Variants in AIM2 observed in about 807,000 individuals in gnomAD.
AIM2 encodes absent in melanoma 2.
In AIM2, 30 loss-of-function variants were observed where a neutral mutation model predicts 27.7. That is an observed-to-expected ratio of 1.08 (90% confidence interval 0.81 to 1.47). The LOEUF is 1.47. AIM2 is among the 40% of genes most tolerant of loss of function. The pLI, the probability that AIM2 is intolerant of heterozygous loss-of-function variation, is 0.00. For missense variants in AIM2, 358 were observed against 411.3 expected (o/e 0.87, Z 1.12); for synonymous variants, 141 against 145.3 (o/e 0.97, Z 0.21).
chr1:159,129,237 G>A (rs1470914529), intron 1 of AIM2, among the ~76,000 whole-genome samples: 3 of 152,176 alleles, frequency 2.0e-5, no homozygotes, highest in African/African-American at 7.2e-5. Flanking sequence ...CTTGTTCAGA[G>A]GAGTGAAAAT....
At chr1:159,115,212 T>C (rs972766107) in intron 1 of AIM2, among the ~76,000 whole-genome samples, 1 of 152,186 alleles carries the variant, frequency 6.6e-6, no homozygotes, top group Non-Finnish European at 1.5e-5. Context: ...GAACATTCCA[T>C]GCTCATGGGT....
the AIM2 span, among the ~76,000 whole-genome samples, chr1:159,055,585 C>T: frequency 5.9e-4 from 90 of 152,274 alleles, no homozygotes; most frequent in African/African-American, 2.1e-3. Flanking sequence ...CTCAAAACAC[C>T]GACTGCTCTT....
chr1:159,117,425 A>G (rs1647401001), intron 1 of AIM2, among the ~76,000 whole-genome samples: 1 of 152,192 alleles, frequency 6.6e-6, no homozygotes. Context: ...AAAAATAATA[A>G]TATATCAAGT....
intron 1 of AIM2, among the ~76,000 whole-genome samples, chr1:159,124,007 C>G (rs371783475): frequency 1.3e-3 from 204 of 152,324 alleles, no homozygotes; most frequent in African/African-American, 4.7e-3. Context: ...TTATTTTGCT[C>G]AAGACACTGT....
intron 1 of AIM2, among the ~76,000 whole-genome samples, chr1:159,105,148 G>A (rs925645844): frequency 6.6e-6 from 1 of 152,240 alleles, no homozygotes; most frequent in Non-Finnish European, 1.5e-5. Flanking sequence ...GTGGGGTCCA[G>A]CCACTGCACA....
chr1:159,071,792 G>A (rs1481067954), intron 2 of AIM2, among the ~76,000 whole-genome samples: 1 of 152,226 alleles, frequency 6.6e-6, no homozygotes, highest in Non-Finnish European at 1.5e-5. Flanking sequence ...TTAAAGGCGT[G>A]AGCCACTGCG....
intron 1 of AIM2, among the ~76,000 whole-genome samples, chr1:159,113,309 C>T (rs1647230660): frequency 1.3e-5 from 2 of 152,110 alleles, no homozygotes; most frequent in South Asian, 4.1e-4. Context: ...GGAACTCTTC[C>T]CCAGGCCCTA....
intron 1 of AIM2, among the ~76,000 whole-genome samples, chr1:159,102,314 A>G (rs1657333131): frequency 6.6e-6 from 1 of 152,182 alleles, no homozygotes; most frequent in Non-Finnish European, 1.5e-5. Context: ...GATGTATGGA[A>G]ATGTCTGCGT....
chr1:159,095,447 G>A (rs1248151125), intron 1 of AIM2, among the ~76,000 whole-genome samples: 2 of 152,188 alleles, frequency 1.3e-5, no homozygotes, highest in Non-Finnish European at 2.9e-5. Flanking sequence ...GAAAGGTGAA[G>A]TAAGAGCATT....
chr1:159,119,904 T>C (rs1302738986), intron 1 of AIM2, among the ~76,000 whole-genome samples: 2 of 152,052 alleles, frequency 1.3e-5, no homozygotes, highest in African/African-American at 2.4e-5. Flanking sequence ...ACTTATAGAT[T>C]ATATGTAGAT....
intron 1 of AIM2, among the ~76,000 whole-genome samples, chr1:159,130,821 C>T (rs1280210746): frequency 6.6e-6 from 1 of 151,540 alleles, no homozygotes; most frequent in Non-Finnish European, 1.5e-5. Context: ...CACACACACA[C>T]ACACACACAC....
chr1:159,061,558 ATTTTT>A (rs945588968), downstream of AIM2, among the ~76,000 whole-genome samples: 1 of 83,110 alleles, frequency 1.2e-5, no homozygotes, highest in Admixed American at 1.3e-4. Context: ...GTGCCCGGCT[ATTTTT>A]TTTTTTTTTT....
upstream of AIM2, among the ~76,000 whole-genome samples, chr1:159,080,845 T>C (rs1656760203): frequency 6.6e-6 from 1 of 152,218 alleles, no homozygotes; most frequent in Non-Finnish European, 1.5e-5. Context: ...TGAAATGTTT[T>C]ACTTAAGTGG....
intron 1 of AIM2, among the ~76,000 whole-genome samples, chr1:159,117,944 C>T (rs949246086): frequency 6.6e-6 from 1 of 151,904 alleles, no homozygotes; most frequent in Non-Finnish European, 1.5e-5. Flanking sequence ...TGTTTGTGTC[C>T]CTGTATAAAT....
chr1:159,055,181 C>T, the AIM2 span: 3 of 226,434 alleles, frequency 1.3e-5, no homozygotes, highest in Admixed American at 5.2e-5. Flanking sequence ...CTCTTTAATC[C>T]ATCCATGAGT....
intron 1 of AIM2, among the ~76,000 whole-genome samples, chr1:159,091,795 C>T (rs997318216): frequency 6.6e-6 from 1 of 152,210 alleles, no homozygotes; most frequent in Non-Finnish European, 1.5e-5. Flanking sequence ...ATGGTGGCTT[C>T]GTCCCTCTCT....
rs555005386 is a variant in AIM2, at chr1:159,146,572, C to T, written n.87+438G>A. On this transcript the variant is annotated intron_variant and non_coding_transcript_variant, in intron 1 of 6. Transcript: ENST00000411768. ...TTCCCCACTTTCTGCAACTGGCATTCCCTAATACTTTACTGTGTAATCTCT... is the reference window on the plus strand; with the variant it reads ...TTCCCCACTTTCTGCAACTGGCATTTCCTAATACTTTACTGTGTAATCTCT... 4.6e-5 allele frequency among the ~76,000 whole-genome samples: 7 copies of T among 152,252 alleles called. No homozygotes were observed. In the East Asian group the frequency reaches 1.4e-3, roughly 29 times the overall value.
upstream of AIM2, among the ~76,000 whole-genome samples, chr1:159,077,336 G>A (rs991152975): frequency 6.6e-6 from 1 of 152,222 alleles, no homozygotes; most frequent in African/African-American, 2.4e-5. Flanking sequence ...TCCCGGAATC[G>A]GGGTGCCACC....
intron 1 of AIM2, among the ~76,000 whole-genome samples, chr1:159,129,649 A>G (rs1026778561): frequency 2.6e-5 from 4 of 152,210 alleles, no homozygotes; most frequent in African/African-American, 9.6e-5. Context: ...GCTGTGTAGG[A>G]ATTAAATGGA....
Sources: allele counts gnomAD v4.1 joint callset (sites outside exome capture counted in the v4.1 genomes callset), GRCh38; gene constraint gnomAD v4.1.1; transcripts MANE v1.5; gene names NCBI Gene and HGNC (gene_info 2026-07-23, HGNC 2026-07-21).